The following CSMD3 variants were observed in gnomAD, a reference collection of about 807,000 sequenced individuals.
CSMD3 encodes the protein CUB and Sushi multiple domains 3.
In CSMD3, 177 loss-of-function variants were observed where a neutral mutation model predicts 435.2. The ratio of observed to expected loss-of-function variants is 0.41; its 90% CI spans 0.36 to 0.46. CSMD3 has a LOEUF of 0.46. CSMD3 is among the 20% of genes least tolerant of loss of function. The pLI, the probability that CSMD3 is intolerant of heterozygous loss-of-function variation, is 0.34. For synonymous variants in CSMD3, 1,656 were observed against 1,520.5 expected (o/e 1.09, Z -2.07); for missense variants, 4,265 against 4,504.6 (o/e 0.95, Z 1.52).
chr8:113,199,088 A>C (rs575465371), intron 3 of CSMD3, among the ~76,000 whole-genome samples: 86 of 149,392 alleles, frequency 5.8e-4, no homozygotes, highest in South Asian at 8.3e-4. Context: ...ACATATATTT[A>C]ACTATATATA....
intron 4 of CSMD3, among the ~76,000 whole-genome samples, chr8:113,132,906 T>C (rs772275684): frequency 5.3e-5 from 8 of 152,114 alleles, no homozygotes; most frequent in Non-Finnish European, 1.0e-4. Flanking sequence ...TTTTACTTTT[T>C]TAACCAAGTG....
intron 7 of CSMD3, among the ~76,000 whole-genome samples, chr8:112,959,599 G>A (rs1587766626): frequency 1.3e-5 from 2 of 151,588 alleles, no homozygotes; most frequent in East Asian, 3.9e-4. Flanking sequence ...TTTGTGCTGT[G>A]TTTGATATGA....
Position 112,230,059 on chromosome 8 carries a change from G to A in CSMD3, c.10829-1168C>T, listed in dbSNP as rs142030278. On this transcript the variant is annotated intron_variant, in intron 69 of 70. Transcript: ENST00000297405. ...TTCTACTTGAAGCTCAGTAAATGCC[G>A]ATGGCATTCGCAGAGTTAGGAAATA... Among the ~76,000 whole-genome samples the A allele has an allele frequency of 6.5e-4, 99 of 152,236 alleles. No homozygotes were observed. The East Asian group carries it at 0.017, about 26-fold the overall frequency.
At chr8:112,539,995 G>A (rs538127591) in intron 27 of CSMD3, among the ~76,000 whole-genome samples, 2 of 151,936 alleles carry the variant, frequency 1.3e-5, no homozygotes, top group South Asian at 4.2e-4. Flanking sequence ...TTTGCTAACT[G>A]CCCATCTGAC....
At chr8:112,812,305 A>G (rs2079248917) in intron 12 of CSMD3, among the ~76,000 whole-genome samples, 1 of 152,206 alleles carries the variant, frequency 6.6e-6, no homozygotes, top group Non-Finnish European at 1.5e-5. Flanking sequence ...TGCCTCAAGT[A>G]CACAAGCATA....
intron 1 of CSMD3, among the ~76,000 whole-genome samples, chr8:113,396,970 T>C (rs1178320896): frequency 6.6e-6 from 1 of 152,190 alleles, no homozygotes; most frequent in Non-Finnish European, 1.5e-5. Flanking sequence ...ACATAAAAGG[T>C]ACTGTTGAAG....
At chr8:113,082,521 G>A (rs369453376) in intron 5 of CSMD3, among the ~76,000 whole-genome samples, 3 of 152,074 alleles carry the variant, frequency 2.0e-5, no homozygotes, top group East Asian at 3.9e-4. Flanking sequence ...CCACAAAATT[G>A]GAAGAAGTGT....
chr8:112,897,843 A>G (rs1401096227), intron 10 of CSMD3, among the ~76,000 whole-genome samples: 1 of 151,060 alleles, frequency 6.6e-6, no homozygotes, highest in Non-Finnish European at 1.5e-5. Context: ...TAAAAGGACT[A>G]CTAAGTAAAT....
At chr8:113,169,992 C>T (rs1412114754) in intron 4 of CSMD3, among the ~76,000 whole-genome samples, 1 of 152,106 alleles carries the variant, frequency 6.6e-6, no homozygotes, top group Non-Finnish European at 1.5e-5. Context: ...AACCTTTACA[C>T]CATACCCTCT....
chr8:113,038,924 G>A (rs1587943315), intron 5 of CSMD3, among the ~76,000 whole-genome samples: 1 of 152,026 alleles, frequency 6.6e-6, no homozygotes, highest in East Asian at 1.9e-4. Flanking sequence ...CCAATTTTAA[G>A]GCTAATAACT....
chr8:112,238,329 A>C (rs943994737), intron 66 of CSMD3, among the ~76,000 whole-genome samples: 1 of 152,008 alleles, frequency 6.6e-6, no homozygotes, highest in Non-Finnish European at 1.5e-5. Flanking sequence ...TGCATGTATC[A>C]CACTTCTTAC....
At chr8:112,468,978 ATT>A (rs886224087) in intron 32 of CSMD3, among the ~76,000 whole-genome samples, 4 of 152,072 alleles carry the variant, frequency 2.6e-5, no homozygotes, top group African/African-American at 9.7e-5. Flanking sequence ...ATGAATTGAC[ATT>A]TGTCTTATTT....
At chr8:112,492,458 T>A in intron 31 of CSMD3, 31 bp downstream of exon 31, 1 of 1,578,274 alleles carries the variant, frequency 6.3e-7, no homozygotes, top group Non-Finnish European at 8.7e-7. Context: ...TTTCTAATCA[T>A]GAAAATTCAG....
At chr8:112,882,120 A>G (rs1185734912) in intron 10 of CSMD3, among the ~76,000 whole-genome samples, 2 of 151,922 alleles carry the variant, frequency 1.3e-5, no homozygotes, top group Non-Finnish European at 2.9e-5. Flanking sequence ...TAAAACTATC[A>G]TTCAGAGCTA....
intron 1 of CSMD3, among the ~76,000 whole-genome samples, chr8:113,356,474 C>A (rs1024191497): frequency 6.6e-6 from 1 of 152,076 alleles, no homozygotes; most frequent in African/African-American, 2.4e-5. Context: ...TCTACCTTTA[C>A]AGGGAAGGCC....
At chr8:113,101,515 C>T (rs1266468207) in intron 4 of CSMD3, among the ~76,000 whole-genome samples, 1 of 151,974 alleles carries the variant, frequency 6.6e-6, no homozygotes, top group Non-Finnish European at 1.5e-5. Context: ...AAATCAATTT[C>T]TCTACATGAT....
At chr8:112,829,138 A>AT (rs2079788547) in intron 12 of CSMD3, among the ~76,000 whole-genome samples, 3 of 152,264 alleles carry the variant, frequency 2.0e-5, no homozygotes, top group East Asian at 1.9e-4. Flanking sequence ...GCTGATACTA[A>AT]TTTTTTTAAC....
chr8:112,740,923 A>C, intron 13 of CSMD3, among the ~76,000 whole-genome samples: 1 of 152,084 alleles, frequency 6.6e-6, no homozygotes, highest in African/African-American at 2.4e-5. Context: ...CAGACTATAA[A>C]GCTAGATAAG....
intron 13 of CSMD3, among the ~76,000 whole-genome samples, chr8:112,713,279 C>T (rs1163357993): frequency 6.6e-6 from 1 of 151,460 alleles, no homozygotes; most frequent in Non-Finnish European, 1.5e-5. Context: ...ATATCAATAG[C>T]CGAATTGATT....
Sources: gnomAD v4.1 joint callset for allele counts (sites outside exome capture counted in the v4.1 genomes callset) on GRCh38, gnomAD v4.1.1 for gene constraint, MANE v1.5 for transcripts, NCBI Gene and HGNC (gene_info 2026-07-23, HGNC 2026-07-21) for gene names.